The following XKR4 variants were observed in gnomAD, a reference collection of about 807,000 sequenced individuals.
XKR4 encodes the protein XK-related protein 4.
Under a neutral mutation model 53.9 loss-of-function variants are expected in XKR4, and 12 were observed. The observed-to-expected ratio is 0.22, with a 90% CI of 0.14 to 0.36. XKR4 has a LOEUF of 0.36. Ranked by LOEUF, XKR4 falls within the 10% of genes least tolerant of loss-of-function variation. The pLI is 1.00. For missense variants in XKR4, 799 were observed against 859.5 expected (o/e 0.93, Z 0.88); for synonymous variants, 354 against 362.4 (o/e 0.98, Z 0.26).
chr8:55,338,313 G>T (rs577229376), intron 1 of XKR4, among the ~76,000 whole-genome samples: 2 of 152,206 alleles, frequency 1.3e-5, no homozygotes, highest in East Asian at 3.9e-4. Context: ...TCTTACCCTG[G>T]GTCCCTCCAA....
At chr8:55,407,587 TCGGCTCCAC>T (rs1025124901) in intron 2 of XKR4, among the ~76,000 whole-genome samples, 1 of 152,092 alleles carries the variant, frequency 6.6e-6, no homozygotes, top group African/African-American at 2.4e-5. Flanking sequence ...GGGCTCAACA[TCGGCTCCAC>T]CGGCTCCACC....
intron 2 of XKR4, among the ~76,000 whole-genome samples, chr8:55,470,300 C>A (rs961647358): frequency 6.6e-6 from 1 of 152,104 alleles, no homozygotes; most frequent in Non-Finnish European, 1.5e-5. Context: ...CAAATCTCAT[C>A]TTTAATTGTA....
At chr8:55,296,625 A>G (rs1819104726) in intron 1 of XKR4, among the ~76,000 whole-genome samples, 1 of 152,192 alleles carries the variant, frequency 6.6e-6, no homozygotes, top group African/African-American at 2.4e-5. Context: ...TTAATGAACA[A>G]CAAGGAACCA....
intron 2 of XKR4, among the ~76,000 whole-genome samples, chr8:55,370,870 G>T (rs1035143138): frequency 3.9e-5 from 6 of 152,028 alleles, no homozygotes; most frequent in African/African-American, 1.5e-4. Context: ...CAGAGCAGGC[G>T]ATCCTGGGTG....
chr8:55,306,909 G>T (rs958793236), intron 1 of XKR4, among the ~76,000 whole-genome samples: 1 of 150,858 alleles, frequency 6.6e-6, no homozygotes, highest in East Asian at 1.9e-4. Context: ...ACTATTTAAG[G>T]TGTGAGAGCA....
intron 2 of XKR4, among the ~76,000 whole-genome samples, chr8:55,359,311 C>T (rs1217802587): frequency 6.6e-6 from 1 of 152,206 alleles, no homozygotes; most frequent in Non-Finnish European, 1.5e-5. Context: ...CTCACAGCCA[C>T]TTAATCTCTC....
intron 2 of XKR4, among the ~76,000 whole-genome samples, chr8:55,520,189 G>A (rs945668501): frequency 6.6e-6 from 1 of 152,236 alleles, no homozygotes; most frequent in Admixed American, 6.5e-5. Context: ...TTGTGAATTT[G>A]TGAAGTTGTA....
At chr8:55,470,012 C>T (rs1161553647) in intron 2 of XKR4, among the ~76,000 whole-genome samples, 1 of 152,042 alleles carries the variant, frequency 6.6e-6, no homozygotes, top group African/African-American at 2.4e-5. Flanking sequence ...TAAGAAGTGC[C>T]ATGATAGAAA....
intron 2 of XKR4, among the ~76,000 whole-genome samples, chr8:55,372,239 T>C (rs983240952): frequency 6.6e-6 from 1 of 152,218 alleles, no homozygotes; most frequent in South Asian, 2.1e-4. Flanking sequence ...TGGCCTTTCC[T>C]GTGGTGTCTT....
intron 1 of XKR4, among the ~76,000 whole-genome samples, chr8:55,146,604 C>T (rs147621798): frequency 1.3e-5 from 2 of 152,304 alleles, no homozygotes; most frequent in African/African-American, 4.8e-5. Context: ...TAAATAGTCA[C>T]ATGTGGCTAG....
chr8:55,444,109 T>G (rs1409567195), intron 2 of XKR4, among the ~76,000 whole-genome samples: 1 of 152,100 alleles, frequency 6.6e-6, no homozygotes, highest in East Asian at 1.9e-4. Flanking sequence ...AGGTGGAGGT[T>G]GCAGGGAGCT....
At chr8:55,453,825 T>G in intron 2 of XKR4, 1 of 489,742 alleles carries the variant, frequency 2.0e-6, no homozygotes, top group Non-Finnish European at 3.9e-6. Flanking sequence ...TCCACCCACC[T>G]CTGTGCCACA....
rs191193096 is a variant in XKR4 at position 55,464,443 on chromosome 8, C to G, written c.1007-58838C>G. Among the ~76,000 whole-genome samples, 591 of 152,242 alleles carry G rather than the reference C, an allele frequency of 3.9e-3. 8 individuals are homozygous for G. The highest frequency in any genetic ancestry group is 0.013 in the African/African-American group (546 of 41,490). On this transcript the variant is annotated intron_variant, in intron 2 of 2. Coordinates refer to ENST00000327381, the MANE Select transcript of XKR4 (RefSeq NM_052898.2). ...ATTCAATAACGCTTCATGCTAAAAA[C>G]TCTCAATAAATTATGTATTGATGGG...
At chr8:55,244,872 GTGTC>G (rs1315824914) in intron 1 of XKR4, among the ~76,000 whole-genome samples, 1 of 149,396 alleles carries the variant, frequency 6.7e-6, no homozygotes. Context: ...CTTTTGAAAA[GTGTC>G]TGTTCATGTC....
chr8:55,120,095 C>T (rs1563460967), intron 1 of XKR4, among the ~76,000 whole-genome samples: 1 of 152,162 alleles, frequency 6.6e-6, no homozygotes, highest in Non-Finnish European at 1.5e-5. Flanking sequence ...GGTTTGTTTT[C>T]ACAGTCAGCT....
At position 55,539,281 on chromosome 8, in the gene XKR4, G is replaced by A. The variant is rs1194449885; in HGVS notation, c.*15054G>A. ...TATGGCTTCATGAGGCAAAGTTGTT[G>A]TACATCAATATTATCATTGTGCCCT... On this transcript the variant is annotated 3_prime_UTR_variant, in exon 3 of 3. Transcript: ENST00000327381. 6.6e-6 allele frequency: 1 copy of A among 152,148 alleles called. No individual in the cohort carries two copies. Among genetic ancestry groups the A allele is most frequent in the Non-Finnish European group, 1.5e-5 (1 of 68,030 alleles). 9.4% of individuals were successfully genotyped at this position (152,148 alleles called of 1,614,324 possible).
rs1013264593 is a variant in XKR4, at chr8:55,524,565, C to T, written c.*338C>T. The T allele has an allele frequency of 1.8e-5, 5 of 276,948 alleles. No individual in the cohort carries two copies. The highest frequency in any genetic ancestry group is 2.7e-5 in the Non-Finnish European group (4 of 146,834). 17.2% of individuals were successfully genotyped at this position (276,948 alleles called of 1,614,324 possible). ...TCCAATCATTAGGGTGTCTTGATGG[C>T]GTTAACTGATCTTTCCATAAAAATA... is the stretch of plus-strand genomic sequence containing the variant. On this transcript the variant is annotated 3_prime_UTR_variant, in exon 3 of 3. Coordinates refer to ENST00000327381, the MANE Select transcript of XKR4 (RefSeq NM_052898.2).
chr8:55,345,798 T>A (rs1803627763), intron 1 of XKR4, among the ~76,000 whole-genome samples: 1 of 151,914 alleles, frequency 6.6e-6, no homozygotes. Context: ...CAATGAAGAG[T>A]GGAGTGTGGG....
chr8:55,120,895 T>C (rs1333671527), intron 1 of XKR4, among the ~76,000 whole-genome samples: 1 of 152,232 alleles, frequency 6.6e-6, no homozygotes, highest in Non-Finnish European at 1.5e-5. Context: ...CACAAACTCC[T>C]GGCAATGACT....
Sources: gnomAD v4.1 joint callset for allele counts (sites outside exome capture counted in the v4.1 genomes callset) on GRCh38, gnomAD v4.1.1 for gene constraint, MANE v1.5 for transcripts, NCBI Gene and HGNC (gene_info 2026-07-23, HGNC 2026-07-21) for gene names.